OR2K2: variants seen among roughly 807,000 people sequenced by gnomAD.
OR2K2 encodes the protein olfactory receptor 2K2.
OR2K2 carries 7 observed loss-of-function variants against 11.1 expected under a neutral mutation model. The ratio of observed to expected loss-of-function variants is 0.63; its 90% CI spans 0.36 to 1.19. The LOEUF (loss-of-function observed/expected upper bound fraction) is 1.19. Among genes scored for constraint, OR2K2 ranks in the 50% most tolerant of loss-of-function variants. The pLI is 0.02. For missense variants in OR2K2, 391 were observed against 383.4 expected (o/e 1.02, Z -0.17); for synonymous variants, 152 against 150.8 (o/e 1.01, Z -0.06).
chr9:111,329,289 G>A (rs898645442), intron 1 of OR2K2, among the ~76,000 whole-genome samples: 1 of 152,156 alleles, frequency 6.6e-6, no homozygotes, highest in Non-Finnish European at 1.5e-5. Context: ...AACAGTTTGG[G>A]GGGGCTGTAC....
intron 1 of OR2K2, among the ~76,000 whole-genome samples, chr9:111,329,230 C>T (rs1340568187): frequency 6.6e-6 from 1 of 151,982 alleles, no homozygotes; most frequent in African/African-American, 2.4e-5. Flanking sequence ...TTTAAACCAA[C>T]TTCATAGTCG....
chr9:111,327,885 C>T lies in OR2K2; in HGVS notation c.549G>A (p.Val183=). The T allele has an allele frequency of 6.2e-7, 1 of 1,614,210 alleles. No individual in the cohort carries two copies. The highest frequency in any genetic ancestry group is 8.5e-7 in the Non-Finnish European group (1 of 1,180,044). ...IDHFTCEILA[V]LKLACTSSLL... is the part of the protein sequence containing the mutation. ...GTGAACTTGTGCAAGCTAACTTTAG[C>T]ACCGCCAGAATTTCACACGTGAAGT... Residue 183 remains valine (V), a synonymous_variant, in exon 2 of 2, where the codon GTG becomes GTA. Coordinates refer to ENST00000302681, the MANE Select transcript of OR2K2 (RefSeq NM_205859.2).
At chr9:111,329,868 A>G (rs2098102344) in intron 1 of OR2K2, among the ~76,000 whole-genome samples, 1 of 152,210 alleles carries the variant, frequency 6.6e-6, no homozygotes, top group Non-Finnish European at 1.5e-5. Flanking sequence ...TTGCCTTTTA[A>G]TAAACCTTCA....
chr9:111,328,110 G>A lies in OR2K2; in HGVS notation c.324C>T (p.Gly108=), dbSNP rs768951692. The A allele has an allele frequency of 6.2e-7, 1 of 1,614,098 alleles. No individual in the cohort carries two copies. Among genetic ancestry groups the A allele is most frequent in the Non-Finnish European group, 8.5e-7 (1 of 1,180,052 alleles). Residue 108 remains glycine (G), a synonymous_variant, in exon 2 of 2, where the codon GGC becomes GGT. Transcript: ENST00000302681. ...CGGCCAGGAGCACACACTCTGTGGA[G>A]CCCATGGCAAGGGACAGATACATCT... ...AVQMYLSLAM[G]STECVLLAVM...
rs141187013 is a variant in OR2K2 at position 111,327,645 on chromosome 9, T to C, written c.789A>G (p.Ser263=). ...TTTTGTCTATTTTTTGTGCATTTGATGAAGAAGGCTTTAGGTACATAGAGA... is the reference window on the plus strand; with the variant it reads ...TTTTGTCTATTTTTTGTGCATTTGACGAAGAAGGCTTTAGGTACATAGAGA... ...AALSMYLKPS[S]SNAQKIDKII... The change falls in exon 2 of 2, where the codon TCA becomes TCG. Residue 263 remains serine, a synonymous_variant. Coordinates refer to ENST00000302681, the MANE Select transcript of OR2K2 (RefSeq NM_205859.2). 5.5e-5 allele frequency: 89 copies of C among 1,614,060 alleles called. No individual in the cohort carries two copies. In the African/African-American group the frequency reaches 1.0e-3, roughly 18 times the overall value.
rs1457044322 is a variant in OR2K2, at chr9:111,327,578, G to C, written c.856C>G (p.Pro286Ala). The change falls in exon 2 of 2, where the codon CCC becomes GCC. Residue 286 changes from proline (P) to alanine (A), a missense_variant. By Grantham distance (27) the Pro-to-Ala change is conservative (BLOSUM62 -1). Coordinates refer to ENST00000302681, the MANE Select transcript of OR2K2 (RefSeq NM_205859.2). ...LYGVLTPMLNPIIYSLRNKEV... is the reference protein window; with the variant it reads ...LYGVLTPMLNAIIYSLRNKEV... ...TTGTTTCTTAAACTGTAAATTATGG[G>C]GTTCAACATAGGGGTAAGCACTCCG... The C allele has an allele frequency of 6.2e-7, 1 of 1,613,362 alleles. No homozygotes were observed. The highest frequency in any genetic ancestry group is 1.3e-5 in the African/African-American group (1 of 74,866).
chr9:111,327,661 T>C lies in OR2K2; in HGVS notation c.773A>G (p.Tyr258Cys). 1 of 1,614,120 alleles carries C rather than the reference T, an allele frequency of 6.2e-7. No homozygotes were observed. The highest frequency in any genetic ancestry group is 8.5e-7 in the Non-Finnish European group (1 of 1,180,032). The change falls in exon 2 of 2, where the codon TAC becomes TGC. Residue 258 changes from tyrosine (Y) to cysteine (C), a missense_variant. Transcript: ENST00000302681. ...ILYYGAALSM[Y>C]LKPSSSNAQK... ...TGCATTTGATGAAGAAGGCTTTAGG[T>C]ACATAGAGAGGGCAGCCCCATAATA...
In OR2K2 at chr9:111,327,491, G is replaced by A; in HGVS notation, c.943C>T (p.His315Tyr). 2 of 1,597,014 alleles carry A rather than the reference G, an allele frequency of 1.3e-6. No individual in the cohort carries two copies. Among genetic ancestry groups the A allele is most frequent in the Non-Finnish European group, 8.5e-7 (1 of 1,171,042 alleles). Residue 315 changes from histidine to tyrosine, a missense_variant, in exon 2 of 2, where the codon CAT becomes TAT. Coordinates refer to ENST00000302681, the MANE Select transcript of OR2K2 (RefSeq NM_205859.2). ...AAACCATAGGGACCCAATCAGAGATGTTCGTGTGTTTGATGCAATGTTATT... is the reference window on the plus strand; with the variant it reads ...AAACCATAGGGACCCAATCAGAGATATTCGTGTGTTTGATGCAATGTTATT... ...GKITLHQTHE[H>Y]L
chr9:111,328,174 G>T lies in OR2K2; in HGVS notation c.260C>A (p.Ser87Ter), dbSNP rs147330382. 1.2e-6 allele frequency: 2 copies of T among 1,614,066 alleles called. No homozygotes were observed. Among genetic ancestry groups the T allele is most frequent in the African/African-American group, 1.3e-5 (1 of 74,940 alleles). Residue 87 changes from serine (S) to a stop codon, truncating the protein, a stop_gained, in exon 2 of 2, where the codon TCA becomes TAA. Transcript: ENST00000302681. LOFTEE classifies it high-confidence loss of function. Reference sequence around the variant, plus strand: ...AGAAAAGATAATGGTTTTCTGGGATGACAGCAAGTTCACCAGCAAAGTAGG... The same window carrying T: ...AGAAAAGATAATGGTTTTCTGGGATTACAGCAAGTTCACCAGCAAAGTAGG... ...SVPTLLVNLL[S>*]SQKTIIFSGC...
In OR2K2 at chr9:111,327,943, A is replaced by G. The variant is rs775867964; in HGVS notation, c.491T>C (p.Leu164Pro). The G allele has an allele frequency of 6.2e-6, 10 of 1,614,184 alleles. No homozygotes were observed. The highest frequency in any genetic ancestry group is 8.5e-6 in the Non-Finnish European group (10 of 1,180,030). Residue 164 changes from leucine (L) to proline (P), a missense_variant, in exon 2 of 2, where the codon CTG becomes CCG. Transcript: ENST00000302681. ...GAGATTCCCACAGAGGGGTATCTGC[A>G]GGGCAAAACTGGTTTCCAGCAGAGC... ...LTALLETSFA[L>P]QIPLCGNLID... is the part of the protein sequence containing the mutation.
chr9:111,329,995 T>C (rs558474926), intron 1 of OR2K2, 111 bp downstream of exon 1: 3 of 152,170 alleles, frequency 2.0e-5, no homozygotes, highest in African/African-American at 7.2e-5. Flanking sequence ...TCTCTAATAA[T>C]AAAAAATTTA....
chr9:111,328,153 A>G lies in OR2K2; in HGVS notation c.281T>C (p.Phe94Ser). 2 of 1,614,174 alleles carry G rather than the reference A, an allele frequency of 1.2e-6. No homozygotes were observed. Among genetic ancestry groups the G allele is most frequent in the Non-Finnish European group, 1.7e-6 (2 of 1,180,034 alleles). ...NLLSSQKTII[F>S]SGCAVQMYLS... is the part of the protein sequence containing the mutation. ...ATACATCTGTACAGCACACCCAGAA[A>G]AGATAATGGTTTTCTGGGATGACAG... Residue 94 changes from phenylalanine (F) to serine (S), a missense_variant, in exon 2 of 2, where the codon TTT becomes TCT. Coordinates refer to ENST00000302681, the MANE Select transcript of OR2K2 (RefSeq NM_205859.2).
In OR2K2 at chr9:111,327,687, C is replaced by T. The variant is rs757342889; in HGVS notation, c.747G>A (p.Leu249=). The change falls in exon 2 of 2, where the codon TTG becomes TTA. Residue 249 remains leucine, a synonymous_variant. Coordinates refer to ENST00000302681, the MANE Select transcript of OR2K2 (RefSeq NM_205859.2). ...TCGAHLTVVI[L]YYGAALSMYL... ...ACATAGAGAGGGCAGCCCCATAATA[C>T]AAAATCACCACAGTCAAATGGGCAC... The T allele has an allele frequency of 6.2e-7, 1 of 1,614,060 alleles. No individual in the cohort carries two copies. Among genetic ancestry groups the T allele is most frequent in the Non-Finnish European group, 8.5e-7 (1 of 1,179,978 alleles).
Position 111,327,667 on chromosome 9 carries a change from G to A in OR2K2, c.767C>T (p.Ser256Phe), listed in dbSNP as rs1379169964. The change falls in exon 2 of 2, where the codon TCT becomes TTT. Residue 256 changes from serine to phenylalanine, a missense_variant. By Grantham distance (155) the Ser-to-Phe change is radical (BLOSUM62 -2). Coordinates refer to ENST00000302681, the MANE Select transcript of OR2K2 (RefSeq NM_205859.2). ...TGATGAAGAAGGCTTTAGGTACATA[G>A]AGAGGGCAGCCCCATAATACAAAAT... is the stretch of plus-strand genomic sequence containing the variant. ...VVILYYGAAL[S>F]MYLKPSSSNA... 6.2e-7 allele frequency: 1 copy of A among 1,614,152 alleles called. No individual in the cohort carries two copies. The highest frequency in any genetic ancestry group is 2.2e-5 in the East Asian group (1 of 44,878).
At chr9:111,328,566 C>T in intron 1 of OR2K2, 84 bp from the exon 2 acceptor site, 2 of 658,120 alleles carry the variant, frequency 3.0e-6, no homozygotes, top group South Asian at 3.9e-5. Flanking sequence ...ATTATAAATG[C>T]AATTTTACTA....
At chr9:111,328,595 T>C (rs1482082967) in intron 1 of OR2K2, 113 bp from the exon 2 acceptor site, 1 of 620,518 alleles carries the variant, frequency 1.6e-6, no homozygotes, top group East Asian at 2.8e-5. Context: ...CACAGGATAG[T>C]GTGTTTATTG....
chr9:111,328,413 G>T lies in OR2K2; in HGVS notation c.21C>A (p.Thr7=). The T allele has an allele frequency of 6.2e-7, 1 of 1,608,778 alleles. No individual in the cohort carries two copies. Among genetic ancestry groups the T allele is most frequent in the African/African-American group, 1.3e-5 (1 of 74,980 alleles). The change falls in exon 2 of 2, where the codon ACC becomes ACA. Residue 7 remains threonine (T), a synonymous_variant. Coordinates refer to ENST00000302681, the MANE Select transcript of OR2K2 (RefSeq NM_205859.2). MQGENF[T]IWSIFFLEGF... ...CCTCCAAGAAAAAAATGCTCCAAATGGTGAAGTTTTCTCCTTGCATTTTCT... is the reference window on the plus strand; with the variant it reads ...CCTCCAAGAAAAAAATGCTCCAAATTGTGAAGTTTTCTCCTTGCATTTTCT...
rs770277181 is a variant in OR2K2, at chr9:111,328,202, C to A, written c.232G>T (p.Val78Phe). 12 of 1,614,038 alleles carry A rather than the reference C, an allele frequency of 7.4e-6. No individual in the cohort carries two copies. The highest frequency in any genetic ancestry group is 9.3e-6 in the Non-Finnish European group (11 of 1,180,038). Residue 78 changes from valine to phenylalanine, a missense_variant, in exon 2 of 2, where the codon GTT becomes TTT. Physicochemically the swap from Val to Phe is conservative, Grantham distance 50. Transcript: ENST00000302681. ...AGCAAGTTCACCAGCAAAGTAGGAA[C>A]AGAGGCAGATGTGTAACAAATATCC... ...FMDICYTSAS[V>F]PTLLVNLLSS...
At position 111,327,963 on chromosome 9, in the gene OR2K2, C is replaced by T. The variant is rs375485113; in HGVS notation, c.471G>A (p.Leu157=). 6.2e-7 allele frequency: 1 copy of T among 1,614,102 alleles called. No individual in the cohort carries two copies. Among genetic ancestry groups the T allele is most frequent in the Non-Finnish European group, 8.5e-7 (1 of 1,180,008 alleles). Residue 157 remains leucine, a synonymous_variant, in exon 2 of 2, where the codon CTG becomes CTA. Transcript: ENST00000302681. The part of the protein sequence containing the change: ...VSWVTGCLTA[L]LETSFALQIP... ...TCTGCAGGGCAAAACTGGTTTCCAGCAGAGCGGTCAGGCAACCCGTCACCC... is the reference window on the plus strand; with the variant it reads ...TCTGCAGGGCAAAACTGGTTTCCAGTAGAGCGGTCAGGCAACCCGTCACCC...
Sources: allele counts gnomAD v4.1 joint callset (sites outside exome capture counted in the v4.1 genomes callset), GRCh38; gene constraint gnomAD v4.1.1; transcripts MANE v1.5; gene names NCBI Gene and HGNC (gene_info 2026-07-23, HGNC 2026-07-21).